Variants in CDH12 observed in about 807,000 individuals in gnomAD.
The protein encoded by CDH12 is cadherin-12.
In CDH12, 41 loss-of-function variants were observed where a neutral mutation model predicts 74.1. The ratio of observed to expected loss-of-function variants is 0.55; its 90% CI spans 0.43 to 0.72. The LOEUF is 0.72. CDH12 is among the 30% of genes least tolerant of loss of function. The pLI is 0.00. For synonymous variants in CDH12, 399 were observed against 355.0 expected (o/e 1.12, Z -1.39); for missense variants, 945 against 977.2 (o/e 0.97, Z 0.44).
At chr5:22,374,141 C>A (rs906188174) in intron 3 of CDH12, among the ~76,000 whole-genome samples, 45 of 152,008 alleles carry the variant, frequency 3.0e-4, no homozygotes, top group African/African-American at 1.0e-3. Flanking sequence ...ACTAGGAATG[C>A]CAAAATGGTT....
At chr5:21,780,735 G>A (rs764876815) in intron 11 of CDH12, among the ~76,000 whole-genome samples, 2 of 152,082 alleles carry the variant, frequency 1.3e-5, no homozygotes, top group Non-Finnish European at 2.9e-5. Flanking sequence ...GTTCACAGAG[G>A]TCTTCTATTC....
At chr5:22,784,749 C>T (rs1173503698) in intron 1 of CDH12, among the ~76,000 whole-genome samples, 1 of 152,140 alleles carries the variant, frequency 6.6e-6, no homozygotes, top group Non-Finnish European at 1.5e-5. Context: ...ATCCCAGAGA[C>T]ATTGGCAGGC....
intron 3 of CDH12, among the ~76,000 whole-genome samples, chr5:22,260,788 G>C (rs925634561): frequency 5.9e-5 from 9 of 152,070 alleles, no homozygotes; most frequent in Non-Finnish European, 1.2e-4. Context: ...TTTGCTTTAA[G>C]ACGTTGACAT....
At chr5:22,187,572 A>G (rs1750029296) in intron 4 of CDH12, among the ~76,000 whole-genome samples, 1 of 149,866 alleles carries the variant, frequency 6.7e-6, no homozygotes, top group Non-Finnish European at 1.5e-5. Context: ...GAATGCATTA[A>G]CCTGGGCTGC....
At chr5:22,259,840 C>T (rs546649817) in intron 3 of CDH12, among the ~76,000 whole-genome samples, 2 of 151,662 alleles carry the variant, frequency 1.3e-5, no homozygotes, top group South Asian at 2.1e-4. Flanking sequence ...TGAAGCTGAC[C>T]GAATTGAGAA....
chr5:21,887,910 G>GCA (rs202228750), intron 6 of CDH12, among the ~76,000 whole-genome samples: 15 of 38,576 alleles, frequency 3.9e-4, no homozygotes, highest in Non-Finnish European at 1.2e-3. Context: ...CCCCAATACT[G>GCA]TATTTTTTTT....
At chr5:21,959,689 T>A (rs1430201044) in intron 6 of CDH12, among the ~76,000 whole-genome samples, 5 of 145,778 alleles carry the variant, frequency 3.4e-5, no homozygotes, top group African/African-American at 1.0e-4. Context: ...GTGGGTGGAT[T>A]ACCAGGTCAG....
chr5:22,495,060 G>A (rs1747046582), intron 2 of CDH12, among the ~76,000 whole-genome samples: 1 of 152,102 alleles, frequency 6.6e-6, no homozygotes, highest in African/African-American at 2.4e-5. Flanking sequence ...TTGCACAATT[G>A]AAGAAGCAGT....
intron 1 of CDH12, among the ~76,000 whole-genome samples, chr5:22,717,373 A>G (rs1291238099): frequency 6.6e-6 from 1 of 152,212 alleles, no homozygotes; most frequent in Non-Finnish European, 1.5e-5. Flanking sequence ...TCAGTAACGT[A>G]GGAGCAACAG....
intron 1 of CDH12, among the ~76,000 whole-genome samples, chr5:22,562,480 C>T (rs1739099263): frequency 6.6e-6 from 1 of 152,032 alleles, no homozygotes; most frequent in Non-Finnish European, 1.5e-5. Flanking sequence ...TTTGTCTCTC[C>T]TAATAAGCAA....
At chr5:22,767,296 G>T (rs1163236396) in intron 1 of CDH12, among the ~76,000 whole-genome samples, 1 of 151,954 alleles carries the variant, frequency 6.6e-6, no homozygotes, top group Non-Finnish European at 1.5e-5. Context: ...CTTGGACTTT[G>T]AATGTTCTTT....
chr5:22,275,960 G>C (rs1377238519), intron 3 of CDH12, among the ~76,000 whole-genome samples: 1 of 152,078 alleles, frequency 6.6e-6, no homozygotes, highest in African/African-American at 2.4e-5. Context: ...ATGAAATATG[G>C]AGAACTATTA....
At chr5:22,159,690 G>T (rs1580340595) in intron 4 of CDH12, among the ~76,000 whole-genome samples, 1 of 152,246 alleles carries the variant, frequency 6.6e-6, no homozygotes, top group East Asian at 1.9e-4. Context: ...TTTTTACCTT[G>T]TAGACAAATG....
intron 6 of CDH12, among the ~76,000 whole-genome samples, chr5:21,914,440 A>T (rs970967187): frequency 6.6e-6 from 1 of 152,180 alleles, no homozygotes; most frequent in Non-Finnish European, 1.5e-5. Context: ...TCTACAAGTC[A>T]TATGTATCCT....
intron 4 of CDH12, among the ~76,000 whole-genome samples, chr5:22,103,881 G>C (rs1203660107): frequency 6.6e-6 from 1 of 152,136 alleles, no homozygotes; most frequent in Admixed American, 6.5e-5. Context: ...GTAAGTAAAG[G>C]AAGTCACATC....
chr5:22,587,087 T>C (rs573125546), intron 1 of CDH12, among the ~76,000 whole-genome samples: 50 of 152,140 alleles, frequency 3.3e-4, no homozygotes, highest in Non-Finnish European at 6.3e-4. Context: ...CTGCCCGTCT[T>C]GGCCTCCCAA....
chr5:22,315,544 G>T (rs1237551820), intron 3 of CDH12, among the ~76,000 whole-genome samples: 1 of 152,138 alleles, frequency 6.6e-6, no homozygotes, highest in Admixed American at 6.6e-5. Flanking sequence ...AAAGTCCTAT[G>T]TGTGCTTGTG....
intron 13 of CDH12, among the ~76,000 whole-genome samples, chr5:21,757,820 C>T (rs992009928): frequency 2.0e-5 from 3 of 152,108 alleles, no homozygotes; most frequent in Admixed American, 1.3e-4. Flanking sequence ...ACCTGGAAAT[C>T]TATTTTGTCT....
chr5:22,660,435 C>A (rs1390677227), intron 1 of CDH12, among the ~76,000 whole-genome samples: 2 of 152,198 alleles, frequency 1.3e-5, no homozygotes, highest in African/African-American at 4.8e-5. Flanking sequence ...TACGTTTAAT[C>A]TCTCTTATCG....
Sources: allele counts gnomAD v4.1 joint callset (sites outside exome capture counted in the v4.1 genomes callset), GRCh38; gene constraint gnomAD v4.1.1; transcripts MANE v1.5; gene names NCBI Gene and HGNC (gene_info 2026-07-23, HGNC 2026-07-21).